Variants in SUGCT observed in about 807,000 individuals in gnomAD.
SUGCT encodes the protein succinyl-CoA:glutarate CoA-transferase.
In SUGCT, 41 loss-of-function variants were observed where a neutral mutation model predicts 55.0. That is an observed-to-expected ratio of 0.74 (90% CI 0.58 to 0.97). SUGCT has a LOEUF of 0.97. SUGCT is among the 50% of genes least tolerant of loss of function. The pLI is 0.00. For synonymous variants in SUGCT, 187 were observed against 200.4 expected (o/e 0.93, Z 0.56); for missense variants, 568 against 547.8 (o/e 1.04, Z -0.37).
At chr7:40,896,479 A>G in the SUGCT span, among the ~76,000 whole-genome samples, 1 of 152,102 alleles carries the variant, frequency 6.6e-6, no homozygotes, top group African/African-American at 2.4e-5. Flanking sequence ...GTGGGAGGGA[A>G]CCAATGGGAG....
At chr7:40,732,564 C>A (rs1037774770) in intron 12 of SUGCT, among the ~76,000 whole-genome samples, 5 of 152,058 alleles carry the variant, frequency 3.3e-5, no homozygotes. Context: ...TTATTGTGAG[C>A]AAAAGCAAAA....
intron 9 of SUGCT, among the ~76,000 whole-genome samples, chr7:40,396,543 T>C (rs1228530705): frequency 1.3e-5 from 2 of 152,196 alleles, no homozygotes; most frequent in Non-Finnish European, 2.9e-5. Context: ...GCTTCACTTA[T>C]TACATTTTTG....
At chr7:40,980,453 A>G in the SUGCT span, among the ~76,000 whole-genome samples, 2 of 152,168 alleles carry the variant, frequency 1.3e-5, no homozygotes, top group Admixed American at 6.5e-5. Flanking sequence ...TTGCAATATT[A>G]TCTCTAAAGT....
At chr7:40,203,667 T>C (rs964472737) in intron 6 of SUGCT, among the ~76,000 whole-genome samples, 5 of 151,716 alleles carry the variant, frequency 3.3e-5, no homozygotes, top group African/African-American at 1.2e-4. Context: ...CCCAGCTACT[T>C]GGGAGACTGA....
intron 12 of SUGCT, among the ~76,000 whole-genome samples, chr7:40,729,309 C>A (rs557311793): frequency 6.6e-6 from 1 of 152,322 alleles, no homozygotes; most frequent in Non-Finnish European, 1.5e-5. Flanking sequence ...GGTCAGTGAG[C>A]ATGTCCCCTT....
chr7:40,670,130 A>AACT (rs1466331252), intron 12 of SUGCT, among the ~76,000 whole-genome samples: 2 of 148,786 alleles, frequency 1.3e-5, no homozygotes, highest in African/African-American at 4.9e-5. Context: ...GCTACGAGGA[A>AACT]ACTGCACTCC....
chr7:40,688,560 A>G (rs1229719638), intron 12 of SUGCT, among the ~76,000 whole-genome samples: 2 of 152,100 alleles, frequency 1.3e-5, no homozygotes, highest in South Asian at 4.1e-4. Flanking sequence ...TATAATATTT[A>G]AAAGAAGATA....
intron 9 of SUGCT, among the ~76,000 whole-genome samples, chr7:40,436,189 C>T (rs1226823486): frequency 6.6e-6 from 1 of 151,984 alleles, no homozygotes; most frequent in African/African-American, 2.4e-5. Flanking sequence ...GTGATCCTCC[C>T]ACCTCTGCCT....
chr7:40,997,592 C>G, the SUGCT span, among the ~76,000 whole-genome samples: 10 of 152,314 alleles, frequency 6.6e-5, no homozygotes, highest in South Asian at 2.1e-3. Flanking sequence ...GGATAATATT[C>G]ACTTCCCAAG....
At chr7:40,698,878 C>G (rs2128659566) in intron 12 of SUGCT, among the ~76,000 whole-genome samples, 1 of 152,202 alleles carries the variant, frequency 6.6e-6, no homozygotes, top group East Asian at 1.9e-4. Flanking sequence ...CTGAAAAGGC[C>G]CTGACATTCC....
the SUGCT span, among the ~76,000 whole-genome samples, chr7:40,946,186 G>A: frequency 6.6e-6 from 1 of 151,902 alleles, no homozygotes; most frequent in Admixed American, 6.6e-5. Flanking sequence ...CTTCAGCTAG[G>A]AGGTAGTGAT....
chr7:40,428,777 T>A (rs560371259), intron 9 of SUGCT, among the ~76,000 whole-genome samples: 2 of 152,324 alleles, frequency 1.3e-5, no homozygotes, highest in South Asian at 4.1e-4. Flanking sequence ...CATACCAATG[T>A]TACAGTATTA....
chr7:40,500,822 CA>C (rs1792240762), intron 12 of SUGCT, among the ~76,000 whole-genome samples: 1 of 151,888 alleles, frequency 6.6e-6, no homozygotes, highest in African/African-American at 2.4e-5. Context: ...GAAGCACCCC[CA>C]AAATACAGTT....
At chr7:40,136,672 C>G (rs186328727) in intron 1 of SUGCT, among the ~76,000 whole-genome samples, 1 of 152,268 alleles carries the variant, frequency 6.6e-6, no homozygotes, top group East Asian at 1.9e-4. Flanking sequence ...CTGTCCTGGC[C>G]AAAAATTCAC....
intron 12 of SUGCT, among the ~76,000 whole-genome samples, chr7:40,702,351 C>T (rs1216654592): frequency 6.6e-6 from 1 of 152,224 alleles, no homozygotes; most frequent in African/African-American, 2.4e-5. Flanking sequence ...AAACTTGGCA[C>T]TGTTCCAGGT....
chr7:40,451,406 C>T (rs1789183717), intron 10 of SUGCT, among the ~76,000 whole-genome samples: 1 of 152,136 alleles, frequency 6.6e-6, no homozygotes, highest in African/African-American at 2.4e-5. Context: ...AACAAAGGTT[C>T]TTATTTCAAA....
At chr7:40,557,524 G>A (rs1342539767) in intron 12 of SUGCT, among the ~76,000 whole-genome samples, 1 of 152,178 alleles carries the variant, frequency 6.6e-6, no homozygotes, top group Non-Finnish European at 1.5e-5. Flanking sequence ...TGTAATCCCA[G>A]CACTTTGGTA....
At chr7:40,270,010 C>T (rs1338793704) in intron 7 of SUGCT, among the ~76,000 whole-genome samples, 2 of 151,748 alleles carry the variant, frequency 1.3e-5, no homozygotes, top group East Asian at 3.9e-4. Flanking sequence ...GTGGTGTGCG[C>T]CTGTGGTCCC....
chr7:40,755,823 A>G (rs186375266), intron 13 of SUGCT, among the ~76,000 whole-genome samples: 1 of 152,168 alleles, frequency 6.6e-6, no homozygotes, highest in African/African-American at 2.4e-5. Flanking sequence ...TCTTCTATAC[A>G]TGCAAAAGGA....
Sources: allele counts gnomAD v4.1 joint callset (sites outside exome capture counted in the v4.1 genomes callset), GRCh38; gene constraint gnomAD v4.1.1; transcripts MANE v1.5; gene names NCBI Gene and HGNC (gene_info 2026-07-23, HGNC 2026-07-21).